Variants in CNTRL observed in about 807,000 individuals in gnomAD.
The protein encoded by CNTRL is centriolin.
In CNTRL, 233 loss-of-function variants were observed where a neutral mutation model predicts 303.7. The observed-to-expected ratio is 0.77, with a 90% confidence interval of 0.69 to 0.86. The LOEUF (loss-of-function observed/expected upper bound fraction) is 0.86. Among genes scored for constraint, CNTRL ranks in the 40% least tolerant of loss-of-function variants. CNTRL has a pLI of 0.00. For missense variants in CNTRL, 2,524 were observed against 2,650.6 expected, an observed-to-expected ratio of 0.95 and a Z score of 1.05; for synonymous variants, 900 against 922.2, an observed-to-expected ratio of 0.98 and a Z score of 0.44.
intron 6 of CNTRL, among the ~76,000 whole-genome samples, chr9:121,096,790 A>T (rs1275918338): frequency 1.3e-5 from 2 of 152,074 alleles, no homozygotes; most frequent in Non-Finnish European, 2.9e-5. Flanking sequence ...GCATTTTTAC[A>T]TTTATCATTT....
At chr9:121,103,185 T>C (rs571789091) in intron 7 of CNTRL, among the ~76,000 whole-genome samples, 2 of 152,318 alleles carry the variant, frequency 1.3e-5, no homozygotes, top group Admixed American at 1.3e-4. Flanking sequence ...AGCATGGTAC[T>C]GGTACCAAAA....
intron 7 of CNTRL, among the ~76,000 whole-genome samples, chr9:121,103,596 A>G (rs1356239604): frequency 6.6e-6 from 1 of 152,246 alleles, no homozygotes; most frequent in African/African-American, 2.4e-5. Context: ...AGAAACTACC[A>G]TCAGAGTGAA....
rs2048642051 is a variant in CNTRL at position 121,092,507 on chromosome 9, TATATATCTATATATATA to T, written c.348+2109_348+2125del. 7.0e-5 allele frequency among the ~76,000 whole-genome samples: 4 copies of T among 56,852 alleles called. 2 individuals are homozygous for T. Among genetic ancestry groups the T allele is most frequent in the Non-Finnish European group, 7.1e-5 (2 of 28,194 alleles). 37.3% of individuals were successfully genotyped at this position (56,852 alleles called of 152,430 possible). ...ATATAATATATATCTATATATATAATATATATCTATATATATAATATATATCTATATATATTATATAT... is the reference window on the plus strand; with the variant it reads ...ATATAATATATATCTATATATATAATATATATATCTATATATATTATATAT... On this transcript the variant is annotated intron_variant, in intron 4 of 43. Transcript: ENST00000373855.
chr9:121,169,873 C>G, intron 39 of CNTRL, 57 bp downstream of exon 39: 1 of 1,363,000 alleles, frequency 7.3e-7, no homozygotes, highest in Non-Finnish European at 1.0e-6. Context: ...AAATTTTAAA[C>G]TGCAACACCA....
At position 121,115,124 on chromosome 9, in the gene CNTRL, T is replaced by C; in HGVS notation, c.1379T>C (p.Ile460Thr). The C allele has an allele frequency of 1.2e-6, 2 of 1,610,310 alleles. No individual in the cohort carries two copies. The highest frequency in any genetic ancestry group is 1.3e-5 in the African/African-American group (1 of 74,876). ...QTRLSELHDE[I>T]EKAEQQILRA... ...CGACTATCAGAACTGCATGATGAAA[T>C]AGAAAAGGCAGAACAACAAATTTTG... The change falls in exon 11 of 44, where the codon ATA becomes ACA. Residue 460 changes from isoleucine (I) to threonine (T), a missense_variant. By Grantham distance (89) the Ile-to-Thr change is moderately conservative. Transcript: ENST00000373855.
At chr9:121,150,789 G>A (rs1184567429) in intron 25 of CNTRL, 1 of 301,682 alleles carries the variant, frequency 3.3e-6, no homozygotes, top group Admixed American at 4.8e-5. Flanking sequence ...ATGTACAGGA[G>A]TTAGGGTCTC....
chr9:121,161,145 T>TGC (rs866611098), intron 32 of CNTRL: 31 of 380,408 alleles, frequency 8.1e-5, no homozygotes, highest in East Asian at 1.5e-4. Context: ...TGTGTGTGTG[T>TGC]GCGCGCGTGC....
chr9:121,167,473 G>C lies in CNTRL; in HGVS notation c.5656-16G>C. ...ATGGCTTTATTAGTAGTTTCCACTT[G>C]TTCTTTCACCTAAAGGACCTGCTTC... On this transcript the variant is annotated splice_polypyrimidine_tract_variant and intron_variant, in intron 36 of 43. Coordinates refer to ENST00000373855, the MANE Select transcript of CNTRL (RefSeq NM_007018.6). 6.2e-7 allele frequency: 1 copy of C among 1,604,580 alleles called. No homozygotes were observed. The highest frequency in any genetic ancestry group is 8.5e-7 in the Non-Finnish European group (1 of 1,175,756).
At chr9:121,174,313 A>T (rs1281407350) in intron 42 of CNTRL, among the ~76,000 whole-genome samples, 3 of 152,192 alleles carry the variant, frequency 2.0e-5, no homozygotes, top group African/African-American at 7.2e-5. Flanking sequence ...GGGATGAGAG[A>T]GTGCAGTGCT....
intron 42 of CNTRL, 71 bp downstream of exon 42, chr9:121,173,808 C>A: frequency 7.4e-7 from 1 of 1,360,120 alleles, no homozygotes; most frequent in Non-Finnish European, 1.1e-6. Flanking sequence ...GGGAAAGTTA[C>A]ATTTACCTGA....
intron 7 of CNTRL, among the ~76,000 whole-genome samples, chr9:121,102,680 G>A (rs946909315): frequency 1.3e-5 from 2 of 152,186 alleles, no homozygotes; most frequent in Non-Finnish European, 2.9e-5. Context: ...TCCTTAAGCT[G>A]ATACGCAACT....
chr9:121,098,653 A>T, intron 7 of CNTRL, 81 bp downstream of exon 7: 1 of 897,396 alleles, frequency 1.1e-6, no homozygotes, highest in Non-Finnish European at 1.7e-6. Context: ...ATGTATCATG[A>T]ACTTTATAAT....
intron 14 of CNTRL, among the ~76,000 whole-genome samples, chr9:121,127,030 G>C (rs2050569661): frequency 6.6e-6 from 1 of 152,092 alleles, no homozygotes; most frequent in Admixed American, 6.6e-5. Flanking sequence ...ATGTTGGTCA[G>C]GCTGGTCTCG....
chr9:121,135,873 A>C lies in CNTRL; in HGVS notation c.2093A>C (p.Gln698Pro), dbSNP rs368699384. Residue 698 changes from glutamine to proline, a missense_variant, in exon 15 of 44, where the codon CAG becomes CCG. Gln to Pro is a moderately conservative substitution (Grantham distance 76). Transcript: ENST00000373855. ...GTGAATGCATCTTTGCAGCAGACCC[A>C]GGGAGATCTCAGTGCCTATGAAGCT... ...HEVNASLQQT[Q>P]GDLSAYEAEL... 1.9e-6 allele frequency: 3 copies of C among 1,613,976 alleles called. No individual in the cohort carries two copies. The highest frequency in any genetic ancestry group is 2.5e-6 in the Non-Finnish European group (3 of 1,179,974).
intron 11 of CNTRL, among the ~76,000 whole-genome samples, chr9:121,116,435 C>T (rs2049981001): frequency 6.6e-6 from 1 of 151,904 alleles, no homozygotes; most frequent in South Asian, 2.1e-4. Context: ...ATTCTCCCAC[C>T]TTAGCTTCCA....
chr9:121,171,136 GTAT>G (rs760027992), intron 39 of CNTRL, among the ~76,000 whole-genome samples: 1 of 152,142 alleles, frequency 6.6e-6, no homozygotes, highest in Admixed American at 6.5e-5. Context: ...GTGATGATGG[GTAT>G]TATTATTCTC....
At chr9:121,161,766 T>TTAGTCAATA in intron 32 of CNTRL, 90 bp from the exon 33 acceptor site, 1 of 925,358 alleles carries the variant, frequency 1.1e-6, no homozygotes, top group East Asian at 2.5e-5. Context: ...TTGTCTTGTA[T>TTAGTCAATA]TAGTCAATAG....
At position 121,125,877 on chromosome 9, in the gene CNTRL, G is replaced by A. The variant is rs2050491875; in HGVS notation, c.1966G>A (p.Val656Ile). 2.5e-6 allele frequency: 4 copies of A among 1,614,104 alleles called. No homozygotes were observed. The Admixed American group carries it at 6.7e-5, about 27-fold the overall frequency. ...GACATTGTTGCAGAGATTGACAGAA[G>A]TCGAGCAGGAGAGAGACCAGCTGGA... is the stretch of plus-strand genomic sequence containing the variant. Reference protein sequence around the residue: ...KETLLQRLTEVEQERDQLEIV... With the variant: ...KETLLQRLTEIEQERDQLEIV... Residue 656 changes from valine (V) to isoleucine (I), a missense_variant, in exon 14 of 44, where the codon GTC becomes ATC. Val to Ile is a conservative substitution (Grantham distance 29). Coordinates refer to ENST00000373855, the MANE Select transcript of CNTRL (RefSeq NM_007018.6).
intron 3 of CNTRL, among the ~76,000 whole-genome samples, chr9:121,088,971 G>A (rs907711802): frequency 7.9e-5 from 12 of 152,366 alleles, no homozygotes; most frequent in Middle Eastern, 6.8e-3. Flanking sequence ...TATGGGACAT[G>A]TATGTATGTT....
Sources: gnomAD v4.1 joint callset for allele counts (sites outside exome capture counted in the v4.1 genomes callset) on GRCh38, gnomAD v4.1.1 for gene constraint, MANE v1.5 for transcripts, NCBI Gene and HGNC (gene_info 2026-07-23, HGNC 2026-07-21) for gene names.